The following DLEU7 variants were observed in gnomAD, a reference collection of about 807,000 sequenced individuals.
DLEU7 encodes the protein leukemia-associated protein 7.
A neutral mutation model predicts 16.0 loss-of-function variants in DLEU7; 17 were observed. That is an observed-to-expected ratio of 1.06 (90% CI 0.73 to 1.59). The LOEUF (loss-of-function observed/expected upper bound fraction) is 1.59, where lower values mean the gene tolerates loss of function less well. Ranked by LOEUF, DLEU7 falls within the 40% of genes most tolerant of loss-of-function variation. DLEU7 has a pLI of 0.00. For synonymous variants in DLEU7, 113 were observed against 139.8 expected (o/e 0.81, Z 1.35); for missense variants, 308 against 314.9 (o/e 0.98, Z 0.17).
At chr13:50,759,794 G>A (rs1377065268) in intron 1 of DLEU7, among the ~76,000 whole-genome samples, 2 of 152,148 alleles carry the variant, frequency 1.3e-5, no homozygotes, top group African/African-American at 4.8e-5. Flanking sequence ...GGGGGCTTCT[G>A]TGACTTCTCT....
At chr13:50,749,532 G>C (rs1449740748) in intron 1 of DLEU7, among the ~76,000 whole-genome samples, 2 of 152,158 alleles carry the variant, frequency 1.3e-5, no homozygotes, top group African/African-American at 2.4e-5. Context: ...CATAGTGGCT[G>C]TACTAGTTTG....
At chr13:50,843,767 A>C, upstream of DLEU7, 346 of 1,332,472 alleles carry the variant, frequency 2.6e-4, no homozygotes, top group Non-Finnish European at 3.0e-4. The surrounding 1 kb of genome is among the most constrained non-coding windows in gnomAD (Gnocchi z 5.7). Flanking sequence ...TCTGGGTCTC[A>C]CAGCGTGTGT....
rs547204267 is a variant in DLEU7, at chr13:50,727,905, G to T, written c.460-14665C>A. ...GACACCTTCTCTCTGCTTCTCCCCT[G>T]TGGGTGCTGGATCACTGCAGGTAAG... On this transcript the variant is annotated intron_variant, in intron 1 of 1. Transcript: ENST00000400393. 4.6e-5 allele frequency among the ~76,000 whole-genome samples: 7 copies of T among 152,350 alleles called. No individual in the cohort carries two copies. The South Asian group carries it at 1.4e-3, about 32-fold the overall frequency.
intron 1 of DLEU7, among the ~76,000 whole-genome samples, chr13:50,743,386 A>G (rs1280808916): frequency 6.6e-6 from 1 of 152,194 alleles, no homozygotes; most frequent in African/African-American, 2.4e-5. Flanking sequence ...GACTGTGAGC[A>G]TGTGAGGTTA....
At chr13:50,761,664 C>T (rs1314233881) in intron 1 of DLEU7, among the ~76,000 whole-genome samples, 2 of 152,058 alleles carry the variant, frequency 1.3e-5, no homozygotes, top group Non-Finnish European at 2.9e-5. Flanking sequence ...CTTGGAAGTA[C>T]CACAAGTTTT....
chr13:50,735,831 T>C (rs1267301822), intron 1 of DLEU7, among the ~76,000 whole-genome samples: 1 of 152,088 alleles, frequency 6.6e-6, no homozygotes, highest in African/African-American at 2.4e-5. Flanking sequence ...GTCGGCATGA[T>C]TATTACTAAA....
intron 1 of DLEU7, among the ~76,000 whole-genome samples, chr13:50,744,583 C>T (rs1483366905): frequency 6.6e-6 from 1 of 152,076 alleles, no homozygotes; most frequent in Non-Finnish European, 1.5e-5. Context: ...AAAGGTCCAA[C>T]ACTGTGAAAA....
chr13:50,744,677 T>G (rs1874343956), intron 1 of DLEU7, among the ~76,000 whole-genome samples: 1 of 152,184 alleles, frequency 6.6e-6, no homozygotes, highest in Non-Finnish European at 1.5e-5. Flanking sequence ...TATCTAATAA[T>G]GAATTAATAT....
At chr13:50,793,837 C>CA (rs1178307421) in intron 1 of DLEU7, among the ~76,000 whole-genome samples, 1 of 152,156 alleles carries the variant, frequency 6.6e-6, no homozygotes, top group Non-Finnish European at 1.5e-5. Flanking sequence ...TCTTGCTGTG[C>CA]AGAAGCTCTT....
rs899930672 is a variant in DLEU7 at position 50,823,158 on chromosome 13, G to C, written c.*156C>G. ...TCATTAACATGCTATAATCCCGAAG[G>C]CTACAGATGCCACTGGTCAGACTGC... On this transcript the variant is annotated 3_prime_UTR_variant, in exon 2 of 2. Coordinates refer to ENST00000504404, the MANE Select transcript of DLEU7 (RefSeq NM_001306135.2). The C allele has an allele frequency of 1.4e-6, 2 of 1,422,984 alleles. No homozygotes were observed. Among genetic ancestry groups the C allele is most frequent in the Non-Finnish European group, 1.8e-6 (2 of 1,090,838 alleles). 88.1% of individuals were successfully genotyped at this position (1,422,984 alleles called of 1,614,324 possible).
At position 50,816,440 on chromosome 13, in the gene DLEU7, T is replaced by C. The variant is rs141884855; in HGVS notation, c.459+26748A>G. 4.3e-3 allele frequency among the ~76,000 whole-genome samples: 648 copies of C among 152,104 alleles called. 16 individuals are homozygous for C. The East Asian group carries it at 0.064, about 15-fold the overall frequency. On this transcript the variant is annotated intron_variant, in intron 1 of 1. Coordinates refer to the DLEU7 transcript ENST00000400393. The stretch of plus-strand genomic sequence containing the variant: ...GAGAGGCAAGGGAATATATAAAAAA[T>C]GGAAGGAAAAGAAAGACCAACGTCT...
chr13:50,761,920 G>A (rs1469214136), intron 1 of DLEU7, among the ~76,000 whole-genome samples: 2 of 152,012 alleles, frequency 1.3e-5, no homozygotes, highest in Non-Finnish European at 2.9e-5. Context: ...GCCGGGCACG[G>A]TGGCTCACGC....
chr13:50,786,078 G>C (rs932999720), intron 1 of DLEU7, among the ~76,000 whole-genome samples: 1 of 152,122 alleles, frequency 6.6e-6, no homozygotes, highest in Non-Finnish European at 1.5e-5. Flanking sequence ...TTGGCAGAAG[G>C]AGACTTTCGT....
chr13:50,837,161 A>G (rs892951057), intron 1 of DLEU7, among the ~76,000 whole-genome samples: 1 of 152,172 alleles, frequency 6.6e-6, no homozygotes, highest in African/African-American at 2.4e-5. Flanking sequence ...TGGTGTACCT[A>G]CTGGAAATGC....
intron 1 of DLEU7, among the ~76,000 whole-genome samples, chr13:50,800,864 G>A (rs1385610810): frequency 2.6e-5 from 4 of 152,020 alleles, no homozygotes; most frequent in African/African-American, 7.3e-5. Flanking sequence ...ATGTTTTCCT[G>A]GTGTTTTAGT....
chr13:50,791,612 G>A lies in DLEU7; in HGVS notation c.459+51576C>T, dbSNP rs1441661220. ...ACCTCTCCACCAGGCCAGCTTGCAG[G>A]GTCAGAGCCAAGTTTTGTGGAACCT... On this transcript the variant is annotated intron_variant, in intron 1 of 1. Transcript: ENST00000400393. Among the ~76,000 whole-genome samples, 65 of 152,082 alleles carry A rather than the reference G, an allele frequency of 4.3e-4. 3 individuals carry two copies. Among genetic ancestry groups the A allele is most frequent in the Non-Finnish European group, 1.5e-5 (1 of 68,022 alleles).
chr13:50,728,816 C>A (rs1271087822), intron 1 of DLEU7, among the ~76,000 whole-genome samples: 6 of 152,008 alleles, frequency 3.9e-5, no homozygotes, highest in African/African-American at 1.2e-4. Flanking sequence ...AATGCTAAGC[C>A]TGGAATATAA....
At chr13:50,716,202 C>G (rs1873433754) in intron 1 of DLEU7, among the ~76,000 whole-genome samples, 1 of 152,200 alleles carries the variant, frequency 6.6e-6, no homozygotes, top group Non-Finnish European at 1.5e-5. Flanking sequence ...ACCAGATTCA[C>G]AAATGCCCCA....
intron 1 of DLEU7, among the ~76,000 whole-genome samples, chr13:50,742,522 C>A (rs189850883): frequency 1.3e-5 from 2 of 152,260 alleles, no homozygotes; most frequent in African/African-American, 4.8e-5. Flanking sequence ...AAGCCACACT[C>A]AGGGTTCAAG....
Sources: gnomAD v4.1 joint callset for allele counts (sites outside exome capture counted in the v4.1 genomes callset) on GRCh38, gnomAD v4.1.1 for gene constraint, Gnocchi (gnomAD v3.1) non-coding constraint, MANE v1.5 for transcripts, NCBI Gene and HGNC (gene_info 2026-07-23, HGNC 2026-07-21) for gene names.